The following NT5E variants were observed in gnomAD, a reference collection of about 807,000 sequenced individuals.
NT5E encodes 5'-nucleotidase ecto, also known as 5'-nucleotidase.
NT5E carries 53 observed loss-of-function variants against 55.1 expected under a neutral mutation model. The observed-to-expected ratio is 0.96, with a 90% CI of 0.77 to 1.21. The LOEUF is 1.21. Among genes scored for constraint, NT5E ranks in the 50% most tolerant of loss-of-function variants. NT5E has a pLI of 0.00. For missense variants in NT5E, 683 were observed against 724.3 expected, an observed-to-expected ratio of 0.94 and a Z score of 0.65; for synonymous variants, 270 against 278.4, an observed-to-expected ratio of 0.97 and a Z score of 0.30.
chr6:85,469,501 G>T (rs1769262168), intron 2 of NT5E, among the ~76,000 whole-genome samples: 1 of 152,200 alleles, frequency 6.6e-6, no homozygotes. Flanking sequence ...AAGGTGCTAA[G>T]GCTGTGGAGA....
At position 85,450,493 on chromosome 6, in the gene NT5E, C is replaced by T. The variant is rs1249048672; in HGVS notation, c.339+15C>T. On this transcript the variant is annotated intron_variant, in intron 1 of 8. Transcript: ENST00000257770. The surrounding 1 kb of genome is among the most constrained non-coding windows in gnomAD (Gnocchi z 4.0). ...ACGATGCCATGGTAAGACCCGAGCC[C>T]GCGCCCGGGATAGTAGTCCCGGACT... The T allele has an allele frequency of 1.9e-6, 3 of 1,572,820 alleles. No homozygotes were observed. The highest frequency in any genetic ancestry group is 2.6e-6 in the Non-Finnish European group (3 of 1,159,292).
At chr6:85,483,255 C>G (rs974197124) in intron 3 of NT5E, among the ~76,000 whole-genome samples, 1 of 152,224 alleles carries the variant, frequency 6.6e-6, no homozygotes, top group Non-Finnish European at 1.5e-5. Context: ...TCTCCCTGGG[C>G]GGGGCGTTCT....
At chr6:85,477,284 C>T (rs1432824206) in intron 3 of NT5E, among the ~76,000 whole-genome samples, 9 of 152,050 alleles carry the variant, frequency 5.9e-5, no homozygotes, top group Non-Finnish European at 1.0e-4. Flanking sequence ...GTTAAATGAA[C>T]GTTAACAAGT....
rs146054415 is a variant in NT5E at position 85,490,550 on chromosome 6, G to A, written c.1253G>A (p.Gly418Glu). The A allele has an allele frequency of 9.9e-6, 16 of 1,614,154 alleles. No homozygotes were observed. The East Asian group carries it at 3.6e-4, about 36-fold the overall frequency. ...AACCTGGCTGCTGTATTGCCCTTTG[G>A]AGGCACATTTGACCTAGTCCAGTTA... is the stretch of plus-strand genomic sequence containing the variant. ...WENLAAVLPFGGTFDLVQLKG... is the reference protein window; with the variant it reads ...WENLAAVLPFEGTFDLVQLKG... The change falls in exon 7 of 9, where the codon GGA becomes GAA. Residue 418 changes from glycine (G) to glutamate (E), a missense_variant. By Grantham distance (98) the Gly-to-Glu change is moderately conservative. Coordinates refer to ENST00000257770, the MANE Select transcript of NT5E (RefSeq NM_002526.4).
chr6:85,475,608 G>GA (rs1582379611), intron 3 of NT5E, among the ~76,000 whole-genome samples: 1 of 152,196 alleles, frequency 6.6e-6, no homozygotes, highest in Non-Finnish European at 1.5e-5. Context: ...TTCCTTTAGA[G>GA]AAAAAAGTAG....
At chr6:85,467,982 A>G (rs765529427) in intron 2 of NT5E, among the ~76,000 whole-genome samples, 2 of 152,086 alleles carry the variant, frequency 1.3e-5, no homozygotes, top group Non-Finnish European at 2.9e-5. Context: ...AGGCACTTTT[A>G]TAAGAAAACT....
rs548088655 is a variant in NT5E at position 85,483,869 on chromosome 6, A to G, written c.752-1366A>G. 2.3e-4 allele frequency among the ~76,000 whole-genome samples: 35 copies of G among 152,114 alleles called. No individual in the cohort carries two copies. The East Asian group carries it at 5.2e-3, about 23-fold the overall frequency. ...ACAACCAGCTTGCAGACTTTAGGGG[A>G]AAAAAAATACATGGTAGGCTTGTGG... is the stretch of plus-strand genomic sequence containing the variant. On this transcript the variant is annotated intron_variant, in intron 3 of 8. Coordinates refer to ENST00000257770, the MANE Select transcript of NT5E (RefSeq NM_002526.4).
intron 3 of NT5E, among the ~76,000 whole-genome samples, chr6:85,484,636 G>T (rs753734203): frequency 6.6e-6 from 1 of 152,154 alleles, no homozygotes; most frequent in Non-Finnish European, 1.5e-5. Flanking sequence ...ACAGCTCTTT[G>T]TCATCTCTGC....
intron 2 of NT5E, among the ~76,000 whole-genome samples, chr6:85,469,505 G>A (rs1254850517): frequency 2.6e-5 from 4 of 152,196 alleles, no homozygotes; most frequent in African/African-American, 7.2e-5. Flanking sequence ...TGCTAAGGCT[G>A]TGGAGAAGAA....
intron 1 of NT5E, among the ~76,000 whole-genome samples, chr6:85,464,710 A>G (rs528677119): frequency 1.3e-5 from 2 of 152,324 alleles, no homozygotes; most frequent in Non-Finnish European, 2.9e-5. Flanking sequence ...TAGCAAAAGA[A>G]ATGAGAATAG....
chr6:85,491,996 T>C lies in NT5E; in HGVS notation c.1380T>C (p.Asp460=). ...TTCTAGGAATCCATGTGGTGTATGA[T>C]CTTTCCCGAAAACCTGGAGACAGAG... The part of the protein sequence containing the change: ...LQVGGIHVVY[D]LSRKPGDRVV... Residue 460 remains aspartate (D), a synonymous_variant, in exon 8 of 9, where the codon GAT becomes GAC. Transcript: ENST00000257770. 6.2e-7 allele frequency: 1 copy of C among 1,614,092 alleles called. No homozygotes were observed. The highest frequency in any genetic ancestry group is 8.5e-7 in the Non-Finnish European group (1 of 1,179,920).
chr6:85,491,905 T>C, intron 7 of NT5E, 72 bp from the exon 8 acceptor site: 1 of 1,427,216 alleles, frequency 7.0e-7, no homozygotes, highest in Admixed American at 1.7e-5. Flanking sequence ...AATTGTAGAG[T>C]TTGGCCAAAA....
Position 85,490,562 on chromosome 6 carries a change from A to T in NT5E, c.1265A>T (p.Asp422Val). The T allele has an allele frequency of 6.2e-7, 1 of 1,614,112 alleles. No individual in the cohort carries two copies. Among genetic ancestry groups the T allele is most frequent in the Non-Finnish European group, 8.5e-7 (1 of 1,180,002 alleles). Residue 422 changes from aspartate (D) to valine (V), a missense_variant, in exon 7 of 9, where the codon GAC (aspartate) becomes GTC (valine). Physicochemically the swap from Asp to Val is radical, Grantham distance 152. Coordinates refer to ENST00000257770, the MANE Select transcript of NT5E (RefSeq NM_002526.4). ...AAVLPFGGTF[D>V]LVQLKGSTLK... ...GTATTGCCCTTTGGAGGCACATTTG[A>T]CCTAGTCCAGTTAAAAGGTTCCACC...
intron 3 of NT5E, among the ~76,000 whole-genome samples, chr6:85,482,631 C>T (rs1436839875): frequency 6.6e-6 from 1 of 152,116 alleles, no homozygotes; most frequent in Non-Finnish European, 1.5e-5. Flanking sequence ...ACTCCACAGC[C>T]CCATTGGGTT....
intron 3 of NT5E, among the ~76,000 whole-genome samples, chr6:85,480,840 T>C (rs904388622): frequency 3.3e-5 from 5 of 152,192 alleles, no homozygotes; most frequent in African/African-American, 1.2e-4. Flanking sequence ...TTTACAAATT[T>C]AGAAAATAAA....
At chr6:85,483,026 T>C (rs1208495641) in intron 3 of NT5E, among the ~76,000 whole-genome samples, 4 of 152,234 alleles carry the variant, frequency 2.6e-5, no homozygotes, top group African/African-American at 9.6e-5. Context: ...TCCAAATGAA[T>C]GAATGTTTTC....
chr6:85,485,300 C>T lies in NT5E; in HGVS notation c.817C>T (p.Arg273Trp), dbSNP rs775412849. 16 of 1,614,050 alleles carry T rather than the reference C, an allele frequency of 9.9e-6. No homozygotes were observed. In the African/African-American group the frequency reaches 1.3e-4, roughly 13 times the overall value. ...YPFIVTSDDG[R>W]KVPVVQAYAF... ...ATTCATAGTCACTTCTGATGATGGG[C>T]GGAAGGTTCCTGTAGTCCAGGCCTA... The change falls in exon 4 of 9, where the codon CGG (arginine) becomes TGG (tryptophan). Residue 273 changes from arginine (R) to tryptophan (W), a missense_variant. Arg to Trp is a moderately radical substitution (Grantham distance 101). Coordinates refer to ENST00000257770, the MANE Select transcript of NT5E (RefSeq NM_002526.4).
intron 1 of NT5E, among the ~76,000 whole-genome samples, chr6:85,460,415 A>C (rs1165616465): frequency 6.6e-6 from 1 of 152,252 alleles, no homozygotes; most frequent in Non-Finnish European, 1.5e-5. Context: ...ATATAATAAT[A>C]AGCATGGAAT....
At chr6:85,480,072 G>A (rs565686612) in intron 3 of NT5E, among the ~76,000 whole-genome samples, 36 of 152,122 alleles carry the variant, frequency 2.4e-4, no homozygotes, top group Non-Finnish European at 4.4e-4. Context: ...CTAGGTGGTG[G>A]AGATCCAAAA....
Sources: gnomAD v4.1 joint callset for allele counts (sites outside exome capture counted in the v4.1 genomes callset) on GRCh38, gnomAD v4.1.1 for gene constraint, Gnocchi (gnomAD v3.1) non-coding constraint, MANE v1.5 for transcripts, NCBI Gene and HGNC (gene_info 2026-07-23, HGNC 2026-07-21) for gene names.